MEIKIN: variants seen among roughly 807,000 people sequenced by gnomAD.
MEIKIN encodes meiotic kinetochore factor.
intron 4 of MEIKIN, among the ~76,000 whole-genome samples, chr5:131,941,158 T>C (rs1751864119): frequency 1.5e-5 from 2 of 131,438 alleles, no homozygotes; most frequent in East Asian, 4.4e-4. Flanking sequence ...TTTTTTTTTT[T>C]TTTTTTTTTT....
At chr5:131,820,347 A>T (rs980571190) in intron 11 of MEIKIN, among the ~76,000 whole-genome samples, 3 of 152,136 alleles carry the variant, frequency 2.0e-5, no homozygotes, top group Non-Finnish European at 4.4e-5. Context: ...TCAGCCTCCC[A>T]AAGTGCTGGG....
intron 8 of MEIKIN, among the ~76,000 whole-genome samples, chr5:131,899,267 C>A (rs1017358538): frequency 6.6e-6 from 1 of 151,998 alleles, no homozygotes; most frequent in Non-Finnish European, 1.5e-5. Context: ...TTGTGATCAG[C>A]TTAAAATAAT....
At chr5:131,815,919 T>C (rs1773092486) in intron 12 of MEIKIN, among the ~76,000 whole-genome samples, 1 of 152,238 alleles carries the variant, frequency 6.6e-6, no homozygotes, top group Admixed American at 6.5e-5. Context: ...TGGTTATAAA[T>C]ACCTGTTACG....
chr5:131,905,321 C>G (rs1260636715), intron 8 of MEIKIN, among the ~76,000 whole-genome samples: 1 of 152,030 alleles, frequency 6.6e-6, no homozygotes, highest in East Asian at 1.9e-4. Flanking sequence ...GTTTATAGCA[C>G]TAAAAGCTCA....
intron 9 of MEIKIN, among the ~76,000 whole-genome samples, chr5:131,873,507 T>G (rs1447898495): frequency 1.3e-5 from 2 of 152,136 alleles, no homozygotes; most frequent in Non-Finnish European, 2.9e-5. Context: ...AGCAAGTCCT[T>G]AGTGACCTAC....
intron 8 of MEIKIN, among the ~76,000 whole-genome samples, chr5:131,885,695 G>A (rs532818709): frequency 1.3e-5 from 2 of 152,240 alleles, no homozygotes; most frequent in East Asian, 1.9e-4. Context: ...ACAAGAAATA[G>A]CTAACTCTTC....
At chr5:131,858,597 C>T (rs536247712) in intron 9 of MEIKIN, among the ~76,000 whole-genome samples, 1 of 152,198 alleles carries the variant, frequency 6.6e-6, no homozygotes, top group African/African-American at 2.4e-5. Flanking sequence ...CCTAATTAAA[C>T]AAAAGAGCTT....
intron 9 of MEIKIN, among the ~76,000 whole-genome samples, chr5:131,866,104 C>T (rs1750379639): frequency 1.3e-5 from 2 of 152,134 alleles, no homozygotes; most frequent in Middle Eastern, 3.2e-3. Context: ...CATGGCATGG[C>T]CAATGGCAGT....
chr5:131,918,072 G>A (rs1380497077), intron 6 of MEIKIN, among the ~76,000 whole-genome samples: 1 of 152,170 alleles, frequency 6.6e-6, no homozygotes, highest in African/African-American at 2.4e-5. Flanking sequence ...CAGGACTTCA[G>A]TTCAAATTGT....
At chr5:131,869,112 A>G (rs1580880756) in intron 9 of MEIKIN, among the ~76,000 whole-genome samples, 2 of 152,134 alleles carry the variant, frequency 1.3e-5, no homozygotes, top group East Asian at 3.9e-4. Context: ...ACAGTTTTGC[A>G]TTTTACATTT....
chr5:131,844,052 C>T (rs1358984478), intron 11 of MEIKIN, among the ~76,000 whole-genome samples: 1 of 152,016 alleles, frequency 6.6e-6, no homozygotes, highest in Non-Finnish European at 1.5e-5. Flanking sequence ...TGGAAGCAAG[C>T]ATATCTTCAT....
chr5:131,907,788 C>A (rs1021184752), intron 8 of MEIKIN, among the ~76,000 whole-genome samples: 5 of 152,048 alleles, frequency 3.3e-5, no homozygotes, highest in African/African-American at 1.2e-4. Context: ...AAGAGAGTCA[C>A]TTGAACCCGG....
intron 6 of MEIKIN, among the ~76,000 whole-genome samples, chr5:131,919,588 GAT>G: frequency 6.6e-6 from 1 of 152,222 alleles, no homozygotes; most frequent in East Asian, 1.9e-4. Flanking sequence ...AATGTGGAGT[GAT>G]TTCCAGTACA....
At chr5:131,894,848 G>A (rs1410801058) in intron 8 of MEIKIN, among the ~76,000 whole-genome samples, 1 of 152,162 alleles carries the variant, frequency 6.6e-6, no homozygotes, top group Admixed American at 6.5e-5. Flanking sequence ...TCTGCAAACA[G>A]GGACGATTTT....
At chr5:131,813,200 T>C (rs1773028433) in intron 12 of MEIKIN, among the ~76,000 whole-genome samples, 1 of 152,240 alleles carries the variant, frequency 6.6e-6, no homozygotes, top group Non-Finnish European at 1.5e-5. Context: ...AGGAGTTCTC[T>C]ACAATCAGTT....
chr5:131,925,406 T>C (rs547574687), intron 5 of MEIKIN, among the ~76,000 whole-genome samples: 1 of 152,334 alleles, frequency 6.6e-6, no homozygotes, highest in South Asian at 2.1e-4. Context: ...TTCCAACTCA[T>C]AAACATGGGA....
chr5:131,899,542 T>TAAAAAAAA (rs398065218), intron 8 of MEIKIN, among the ~76,000 whole-genome samples: 1 of 125,418 alleles, frequency 8.0e-6, no homozygotes, highest in Non-Finnish European at 1.7e-5. Flanking sequence ...TGAATGGATT[T>TAAAAAAAA]AAAAAAAAAA....
intron 7 of MEIKIN, among the ~76,000 whole-genome samples, chr5:131,915,876 A>G (rs1561754127): frequency 6.6e-6 from 1 of 152,188 alleles, no homozygotes; most frequent in Non-Finnish European, 1.5e-5. Flanking sequence ...AAGAGAGGTC[A>G]GTATTTAGGT....
At chr5:131,940,629 T>C (rs1456254470) in intron 4 of MEIKIN, among the ~76,000 whole-genome samples, 1 of 152,178 alleles carries the variant, frequency 6.6e-6, no homozygotes, top group South Asian at 2.1e-4. Flanking sequence ...TGGCAGTAAG[T>C]AAAAATTCTG....
Sources: allele counts gnomAD v4.1 joint callset (sites outside exome capture counted in the v4.1 genomes callset), GRCh38; gene constraint gnomAD v4.1.1; transcripts MANE v1.5; gene names NCBI Gene and HGNC (gene_info 2026-07-23, HGNC 2026-07-21).